Variants in PRRX1 observed in about 807,000 individuals in gnomAD.
PRRX1 encodes the protein paired mesoderm homeobox protein 1.
In PRRX1, 8 loss-of-function variants were observed where a neutral mutation model predicts 24.0. That is an observed-to-expected ratio of 0.33 (90% CI 0.20 to 0.60). The LOEUF (loss-of-function observed/expected upper bound fraction) is 0.60, where lower values mean the gene tolerates loss of function less well. Ranked by LOEUF, PRRX1 falls within the 20% of genes least tolerant of loss-of-function variation. PRRX1 has a pLI of 0.82. For missense variants in PRRX1, 281 were observed against 322.4 expected (o/e 0.87, Z 0.98); for synonymous variants, 160 against 131.7 (o/e 1.22, Z -1.47).
At chr1:170,702,046 T>C (rs1002260912) in intron 1 of PRRX1, among the ~76,000 whole-genome samples, 1 of 152,144 alleles carries the variant, frequency 6.6e-6, no homozygotes, top group East Asian at 1.9e-4. Flanking sequence ...GGAATGAAAC[T>C]TCCTCCTCGG....
At chr1:170,663,463 C>A (rs546056695), upstream of PRRX1, 1 of 147,304 alleles carries the variant, frequency 6.8e-6, no homozygotes, top group East Asian at 2.0e-4. Flanking sequence ...CCAGCACCCT[C>A]CGTCGGACTC....
intron 1 of PRRX1, among the ~76,000 whole-genome samples, chr1:170,698,095 T>G (rs957158939): frequency 6.6e-6 from 1 of 152,000 alleles, no homozygotes; most frequent in African/African-American, 2.4e-5. Context: ...TACTTTATTC[T>G]CAAGAATTAT....
rs370699898 is a variant in PRRX1, at chr1:170,719,727, T to C, written c.243T>C (p.Asn81=). 76 of 1,613,940 alleles carry C rather than the reference T, an allele frequency of 4.7e-5. No homozygotes were observed. Among genetic ancestry groups the C allele is most frequent in the Middle Eastern group, 3.3e-4 (2 of 6,084 alleles). The change falls in exon 2 of 4, where the codon AAT becomes AAC. Residue 81 remains asparagine, a splice_region_variant and synonymous_variant. Coordinates refer to ENST00000239461, the MANE Select transcript of PRRX1 (RefSeq NM_022716.4). ...TTTCATCATTGTGTTCTATTCCAGA[T>C]GACCAGCTGAACTCAGAAGAAAAAA... The part of the protein sequence containing the change: ...TSGSDTPQQD[N]DQLNSEEKKK...
upstream of PRRX1, chr1:170,664,039 T>C (rs1652817257): frequency 3.7e-6 from 2 of 543,674 alleles, no homozygotes; most frequent in Admixed American, 4.5e-5. Context: ...CCCACCCTCT[T>C]TTCCAATTTT....
intron 1 of PRRX1, 84 bp downstream of exon 1, chr1:170,664,543 G>A (rs978218595): frequency 1.5e-5 from 23 of 1,503,686 alleles, no homozygotes; most frequent in Non-Finnish European, 2.0e-5. Flanking sequence ...GCCCGTCCGC[G>A]GCCAGAAAGA....
chr1:170,697,543 A>G (rs1654210314), intron 1 of PRRX1, among the ~76,000 whole-genome samples: 1 of 151,642 alleles, frequency 6.6e-6, no homozygotes, highest in African/African-American at 2.4e-5. Context: ...TAATCTTTGC[A>G]TTATTCAAAG....
chr1:170,668,166 CTAATGGG>C, intron 1 of PRRX1: 1 of 152,318 alleles, frequency 6.6e-6, no homozygotes, highest in Admixed American at 6.5e-5. Flanking sequence ...GATCCAGTGG[CTAATGGG>C]AGAGTGTGGA....
At chr1:170,675,845 A>G (rs1653303965) in intron 1 of PRRX1, among the ~76,000 whole-genome samples, 4 of 152,222 alleles carry the variant, frequency 2.6e-5, no homozygotes, top group Admixed American at 2.6e-4. Context: ...ATTTTAAATT[A>G]TGAATGACAT....
At chr1:170,718,884 C>T (rs74123165) in intron 1 of PRRX1, among the ~76,000 whole-genome samples, 2,193 of 152,256 alleles carry the variant, frequency 0.014, 56 homozygotes, top group African/African-American at 0.049. Context: ...TATCTCACCA[C>T]GCTACCTTCA....
intron 2 of PRRX1, among the ~76,000 whole-genome samples, chr1:170,722,144 G>A (rs527253538): frequency 8.5e-4 from 129 of 152,186 alleles, no homozygotes; most frequent in African/African-American, 2.9e-3. Flanking sequence ...AGTGAGTAGG[G>A]CAGAGTTCTC....
chr1:170,735,451 C>T (rs1330839664), intron 3 of PRRX1, among the ~76,000 whole-genome samples: 1 of 152,024 alleles, frequency 6.6e-6, no homozygotes, highest in Non-Finnish European at 1.5e-5. Flanking sequence ...GGCTTAGTAA[C>T]CTCTTGATTC....
At chr1:170,663,876 T>A, upstream of PRRX1, 1 of 253,122 alleles carries the variant, frequency 4.0e-6, no homozygotes, top group South Asian at 1.1e-4. Context: ...TGGAAGGGAT[T>A]TTTTTCTCCT....
chr1:170,699,409 C>T (rs764667763), intron 1 of PRRX1, among the ~76,000 whole-genome samples: 1 of 151,742 alleles, frequency 6.6e-6, no homozygotes, highest in Admixed American at 6.6e-5. Context: ...AAATGGGTCT[C>T]ATTTCTTTCT....
intron 1 of PRRX1, among the ~76,000 whole-genome samples, chr1:170,714,725 G>A (rs1654853119): frequency 6.6e-6 from 1 of 152,146 alleles, no homozygotes; most frequent in Non-Finnish European, 1.5e-5. Flanking sequence ...CATGCTGTCA[G>A]GTCCCCATGC....
chr1:170,707,894 G>C (rs185095328), intron 1 of PRRX1, among the ~76,000 whole-genome samples: 1 of 152,106 alleles, frequency 6.6e-6, no homozygotes, highest in African/African-American at 2.4e-5. Context: ...AAGACCCAAG[G>C]TTATATGAGG....
intron 1 of PRRX1, among the ~76,000 whole-genome samples, chr1:170,665,170 A>G (rs1406836688): frequency 6.6e-6 from 1 of 152,198 alleles, no homozygotes; most frequent in African/African-American, 2.4e-5. Context: ...GAAACCTGAA[A>G]TCCAGCCCCG....
chr1:170,669,873 T>C (rs961827812), intron 1 of PRRX1, among the ~76,000 whole-genome samples: 2 of 152,208 alleles, frequency 1.3e-5, no homozygotes, highest in African/African-American at 4.8e-5. Flanking sequence ...GGAACAACTT[T>C]TTGAAATCGG....
intron 1 of PRRX1, among the ~76,000 whole-genome samples, chr1:170,689,314 T>C (rs1653849763): frequency 6.6e-6 from 1 of 152,200 alleles, no homozygotes; most frequent in Non-Finnish European, 1.5e-5. Context: ...TAGGGACTCA[T>C]TAAAGAGCTG....
chr1:170,703,927 C>T (rs918615617), intron 1 of PRRX1, among the ~76,000 whole-genome samples: 6 of 152,148 alleles, frequency 3.9e-5, no homozygotes, highest in Non-Finnish European at 7.3e-5. Flanking sequence ...TTGTGTGAAT[C>T]GAGCACTAGC....
Sources: gnomAD v4.1 joint callset for allele counts (sites outside exome capture counted in the v4.1 genomes callset) on GRCh38, gnomAD v4.1.1 for gene constraint, MANE v1.5 for transcripts, NCBI Gene and HGNC (gene_info 2026-07-23, HGNC 2026-07-21) for gene names.